Variants in OPCML observed in about 807,000 individuals in gnomAD.
The protein encoded by OPCML is opioid binding protein/cell adhesion molecule like, also known as opioid-binding protein/cell adhesion molecule.
A neutral mutation model predicts 37.8 loss-of-function variants in OPCML; 13 were observed. The observed-to-expected ratio is 0.34, with a 90% CI of 0.22 to 0.55. The LOEUF is 0.55. Ranked by LOEUF, OPCML falls within the 20% of genes least tolerant of loss-of-function variation. The pLI is 0.91. For missense variants in OPCML, 341 were observed against 435.6 expected (o/e 0.78, Z 1.93); for synonymous variants, 176 against 168.8 (o/e 1.04, Z -0.33).
chr11:132,453,260 G>A (rs190326720), intron 4 of OPCML, among the ~76,000 whole-genome samples: 291 of 152,274 alleles, frequency 1.9e-3, no homozygotes, highest in African/African-American at 6.5e-3. Flanking sequence ...GCTGAGGTTA[G>A]GAAAGCTGTA....
intron 1 of OPCML, among the ~76,000 whole-genome samples, chr11:132,971,679 C>A (rs1946345875): frequency 6.6e-6 from 1 of 152,174 alleles, no homozygotes; most frequent in African/African-American, 2.4e-5. Context: ...ACATGATTAT[C>A]AAAATTCCAG....
At chr11:133,232,438 T>C (rs554865266) in intron 1 of OPCML, among the ~76,000 whole-genome samples, 5 of 152,240 alleles carry the variant, frequency 3.3e-5, no homozygotes, top group African/African-American at 1.2e-4. Context: ...ATAAGTGACA[T>C]GAAAGAACAT....
chr11:132,859,757 T>C (rs542131947), intron 2 of OPCML, among the ~76,000 whole-genome samples: 9 of 152,320 alleles, frequency 5.9e-5, no homozygotes, highest in African/African-American at 2.2e-4. Flanking sequence ...ATCTTCCTAA[T>C]TACACTTTAT....
chr11:133,501,748 C>T (rs1947919918), intron 1 of OPCML, among the ~76,000 whole-genome samples: 1 of 151,942 alleles, frequency 6.6e-6, no homozygotes, highest in Non-Finnish European at 1.5e-5. Context: ...CCCACCCCGC[C>T]CAGGGTGCAC....
intron 3 of OPCML, among the ~76,000 whole-genome samples, chr11:132,629,966 C>T (rs374328348): frequency 5.9e-5 from 9 of 152,136 alleles, no homozygotes; most frequent in South Asian, 4.2e-4. Context: ...TTAGTATGAA[C>T]GAATTGTACA....
At chr11:132,802,365 G>A (rs747609527) in intron 2 of OPCML, among the ~76,000 whole-genome samples, 1 of 152,086 alleles carries the variant, frequency 6.6e-6, no homozygotes, top group Non-Finnish European at 1.5e-5. Flanking sequence ...GAACAGACTT[G>A]GTTACTCGGC....
At chr11:133,184,129 T>C (rs570642954) in intron 1 of OPCML, among the ~76,000 whole-genome samples, 1 of 152,166 alleles carries the variant, frequency 6.6e-6, no homozygotes, top group Admixed American at 6.5e-5. Context: ...GTGCTTCAGG[T>C]TGGAGTGGCA....
intron 7 of OPCML, among the ~76,000 whole-genome samples, chr11:132,423,810 C>T (rs1371364997): frequency 6.6e-6 from 1 of 152,140 alleles, no homozygotes. Flanking sequence ...TAAATGTTAG[C>T]TCAACAAAGC....
chr11:133,451,222 A>G (rs1946574734), intron 1 of OPCML, among the ~76,000 whole-genome samples: 1 of 151,728 alleles, frequency 6.6e-6, no homozygotes. Context: ...TAAAATCTGG[A>G]TACACACAAC....
intron 1 of OPCML, among the ~76,000 whole-genome samples, chr11:133,309,292 GT>G (rs1339184074): frequency 9.2e-5 from 14 of 152,198 alleles, no homozygotes; most frequent in Admixed American, 9.2e-4. Context: ...ACCAGCTGCT[GT>G]CATGAACTGT....
At chr11:132,703,953 T>G (rs897660903) in intron 2 of OPCML, among the ~76,000 whole-genome samples, 3 of 152,290 alleles carry the variant, frequency 2.0e-5, no homozygotes, top group African/African-American at 7.2e-5. Context: ...TCCACGGAAG[T>G]AGACCTGGTG....
chr11:132,785,021 A>C (rs1331766006), intron 2 of OPCML, among the ~76,000 whole-genome samples: 1 of 152,072 alleles, frequency 6.6e-6, no homozygotes, highest in East Asian at 1.9e-4. Flanking sequence ...TACATATTTT[A>C]TTTTCTTTTA....
chr11:133,421,530 G>A (rs1308840725), intron 1 of OPCML: 28 of 985,292 alleles, frequency 2.8e-5, no homozygotes, highest in East Asian at 1.1e-4. Flanking sequence ...TGAACAAATT[G>A]TTGCAAACTG....
At chr11:132,734,031 T>A (rs1352207940) in intron 2 of OPCML, among the ~76,000 whole-genome samples, 1 of 152,248 alleles carries the variant, frequency 6.6e-6, no homozygotes, top group Non-Finnish European at 1.5e-5. Context: ...AGTTTTCTTA[T>A]GTGTACGATG....
intron 1 of OPCML, among the ~76,000 whole-genome samples, chr11:133,274,404 T>C (rs1592158506): frequency 6.6e-6 from 1 of 152,144 alleles, no homozygotes; most frequent in African/African-American, 2.4e-5. Context: ...AAGAAGGTCC[T>C]GGGACAACAG....
intron 1 of OPCML, chr11:133,118,277 G>A: frequency 1.0e-6 from 1 of 985,434 alleles, no homozygotes; most frequent in Non-Finnish European, 1.2e-6. Flanking sequence ...CACATCATAT[G>A]AGCTGTAGGG....
chr11:132,745,569 AAAAAAAAAAAAAAAG>A (rs1454043706), intron 2 of OPCML, among the ~76,000 whole-genome samples: 3 of 133,728 alleles, frequency 2.2e-5, no homozygotes, highest in Non-Finnish European at 4.8e-5. Context: ...CTTGCAAAAA[AAAAAAAAAAAAAAAG>A]AAAGAAAGAA....
At chr11:133,015,529 A>C (rs994416327) in intron 1 of OPCML, among the ~76,000 whole-genome samples, 25 of 152,204 alleles carry the variant, frequency 1.6e-4, no homozygotes, top group African/African-American at 6.0e-4. Context: ...AGTCATGAGA[A>C]TGTGACATGA....
chr11:133,334,883 G>A (rs1396779691), intron 1 of OPCML, among the ~76,000 whole-genome samples: 1 of 152,130 alleles, frequency 6.6e-6, no homozygotes, highest in East Asian at 1.9e-4. Flanking sequence ...GGCATGAGAG[G>A]GGCAACAGGA....
Sources: gnomAD v4.1 joint callset for allele counts (sites outside exome capture counted in the v4.1 genomes callset) on GRCh38, gnomAD v4.1.1 for gene constraint, MANE v1.5 for transcripts, NCBI Gene and HGNC (gene_info 2026-07-23, HGNC 2026-07-21) for gene names.